RGS22: variants seen among roughly 807,000 people sequenced by gnomAD.
The protein encoded by RGS22 is regulator of G protein signaling 22.
A neutral mutation model predicts 172.9 loss-of-function variants in RGS22; 148 were observed. The ratio of observed to expected loss-of-function variants is 0.86; its 90% CI spans 0.75 to 0.98. RGS22 has a LOEUF of 0.98. RGS22 is among the 50% of genes least tolerant of loss of function. The pLI is 0.00. For missense variants in RGS22, 1,347 were observed against 1,440.8 expected (o/e 0.93, Z 1.05); for synonymous variants, 458 against 480.2 (o/e 0.95, Z 0.60).
intron 9 of RGS22, among the ~76,000 whole-genome samples, chr8:100,058,248 A>C (rs1004211826): frequency 7.2e-5 from 11 of 152,100 alleles, no homozygotes; most frequent in Non-Finnish European, 1.2e-4. Flanking sequence ...TATTGGCCTT[A>C]AAGAGGAGGT....
chr8:100,039,909 A>AT, intron 13 of RGS22, 53 bp downstream of exon 13: 1 of 1,165,726 alleles, frequency 8.6e-7, no homozygotes, highest in Non-Finnish European at 1.1e-6. Context: ...TTGATGTCTC[A>AT]TTTTTAAATG....
intron 23 of RGS22, among the ~76,000 whole-genome samples, chr8:99,977,713 A>T (rs1293607021): frequency 6.6e-6 from 1 of 152,194 alleles, no homozygotes; most frequent in East Asian, 1.9e-4. Flanking sequence ...GAGTCAAGGA[A>T]GTCTTCACTT....
chr8:100,057,494 T>C (rs780451606), intron 9 of RGS22, among the ~76,000 whole-genome samples: 2 of 152,130 alleles, frequency 1.3e-5, no homozygotes, highest in Admixed American at 6.6e-5. Context: ...ATAATTCCCA[T>C]GGGTCATGGG....
chr8:100,081,982 C>T (rs2446907), intron 3 of RGS22, among the ~76,000 whole-genome samples: 3 of 149,346 alleles, frequency 2.0e-5, no homozygotes, highest in Admixed American at 2.0e-4. Flanking sequence ...GATAATCCAA[C>T]GCAAAGAATG....
chr8:100,104,329 C>CGT (rs34385626), intron 2 of RGS22, among the ~76,000 whole-genome samples: 55,012 of 140,040 alleles, frequency 0.39, 10,707 homozygotes, highest in African/African-American at 0.46. Context: ...AAAATATGTG[C>CGT]GTGTGTGTGT....
At chr8:100,047,663 TC>T in intron 10 of RGS22, 67 bp from the exon 11 acceptor site, 1 of 1,368,984 alleles carries the variant, frequency 7.3e-7, no homozygotes, top group Admixed American at 2.6e-5. Context: ...CACCTATACC[TC>T]AAATTTGTTC....
chr8:100,046,742 C>CA (rs762818241), intron 11 of RGS22, among the ~76,000 whole-genome samples: 2 of 151,648 alleles, frequency 1.3e-5, no homozygotes, highest in Non-Finnish European at 2.9e-5. Context: ...GTGACTTCGG[C>CA]ATTTGAGGCT....
intron 7 of RGS22, among the ~76,000 whole-genome samples, chr8:100,065,540 T>C (rs1015279972): frequency 1.3e-5 from 2 of 152,224 alleles, no homozygotes; most frequent in Admixed American, 1.3e-4. Flanking sequence ...TCCTGGGTTC[T>C]TCTTCTGAGT....
chr8:100,013,954 G>T (rs1816686682), intron 14 of RGS22, among the ~76,000 whole-genome samples: 1 of 152,086 alleles, frequency 6.6e-6, no homozygotes, highest in African/African-American at 2.4e-5. Context: ...AAACTTAGCT[G>T]CAATCAAAAA....
At chr8:100,012,764 A>T (rs1588972287) in intron 14 of RGS22, among the ~76,000 whole-genome samples, 1 of 152,216 alleles carries the variant, frequency 6.6e-6, no homozygotes, top group African/African-American at 2.4e-5. Flanking sequence ...CACTTCAAGG[A>T]AAAGAAAATT....
At chr8:100,037,459 T>C (rs1819626927) in intron 14 of RGS22, among the ~76,000 whole-genome samples, 1 of 152,136 alleles carries the variant, frequency 6.6e-6, no homozygotes, top group African/African-American at 2.4e-5. Context: ...GCTTTAACTA[T>C]CCAAAAGAGA....
At chr8:100,040,418 G>A (rs1350915525) in intron 12 of RGS22, among the ~76,000 whole-genome samples, 2 of 151,916 alleles carry the variant, frequency 1.3e-5, no homozygotes, top group East Asian at 3.9e-4. Flanking sequence ...CTTGTTGGTG[G>A]CCTCTTTCAT....
intron 14 of RGS22, among the ~76,000 whole-genome samples, chr8:100,017,531 G>C (rs1171438063): frequency 6.6e-6 from 1 of 152,042 alleles, no homozygotes; most frequent in East Asian, 1.9e-4. Flanking sequence ...CTGAATTATG[G>C]AACTAAAATC....
rs145255851 is a variant in RGS22, at chr8:99,967,913, C to T, written c.3520-2483G>A. Among the ~76,000 whole-genome samples, 5 of 152,308 alleles carry T rather than the reference C, an allele frequency of 3.3e-5. No individual in the cohort carries two copies. The East Asian group carries it at 7.7e-4, about 23-fold the overall frequency. On this transcript the variant is annotated intron_variant, in intron 23 of 27. Coordinates refer to ENST00000360863, the MANE Select transcript of RGS22 (RefSeq NM_015668.5). ...GACAGACTGCCTTCTCAAGTGGGTC[C>T]CTGACCCCAGTGCTTCCTGACTGCA...
chr8:100,016,686 A>C (rs1315048916), intron 14 of RGS22, among the ~76,000 whole-genome samples: 1 of 152,134 alleles, frequency 6.6e-6, no homozygotes, highest in Non-Finnish European at 1.5e-5. Context: ...CTGAGGTAGG[A>C]GAATGGCGTG....
At chr8:99,982,847 G>A (rs1812696034) in intron 21 of RGS22, among the ~76,000 whole-genome samples, 1 of 152,210 alleles carries the variant, frequency 6.6e-6, no homozygotes, top group Non-Finnish European at 1.5e-5. Flanking sequence ...GGGGGTACAT[G>A]TGCAAGTTTG....
At position 99,977,270 on chromosome 8, in the gene RGS22, ATTTT is replaced by A. The variant is rs895569407; in HGVS notation, c.3519+643_3519+646del. On this transcript the variant is annotated intron_variant, in intron 23 of 27. Transcript: ENST00000360863. ...AGGCGCAAGCTGCCACGCCCGGTTA[ATTTT>A]TTTTTTTTTTTTTTTTTTTTTGTAT... Among the ~76,000 whole-genome samples the A allele has an allele frequency of 7.0e-3, 843 of 120,344 alleles. 7 individuals carry two copies. Among genetic ancestry groups the A allele is most frequent in the African/African-American group, 0.025 (790 of 31,572 alleles). 79.0% of individuals were successfully genotyped at this position (120,344 alleles called of 152,430 possible). A position where few individuals can be genotyped will look rare whatever the true frequency, so the allele number is the denominator to read the frequency against.
At chr8:99,979,830 A>G (rs1307719134) in intron 22 of RGS22, among the ~76,000 whole-genome samples, 1 of 152,206 alleles carries the variant, frequency 6.6e-6, no homozygotes, top group Non-Finnish European at 1.5e-5. Flanking sequence ...GCCCTCAAAG[A>G]GGTTACAGTC....
intron 6 of RGS22, among the ~76,000 whole-genome samples, 159 bp downstream of exon 6, chr8:100,071,210 C>A (rs1172819030): frequency 6.6e-6 from 1 of 152,058 alleles, no homozygotes. Flanking sequence ...ATCAGCTGAG[C>A]CCGGGAGATG....
Sources: gnomAD v4.1 joint callset for allele counts (sites outside exome capture counted in the v4.1 genomes callset) on GRCh38, gnomAD v4.1.1 for gene constraint, MANE v1.5 for transcripts, NCBI Gene and HGNC (gene_info 2026-07-23, HGNC 2026-07-21) for gene names.